PPM1F: variants seen among roughly 807,000 people sequenced by gnomAD.
The protein encoded by PPM1F is protein phosphatase 1F.
In PPM1F, 17 loss-of-function variants were observed where a neutral mutation model predicts 35.5. That is an observed-to-expected ratio of 0.48 (90% CI 0.33 to 0.72). The LOEUF (loss-of-function observed/expected upper bound fraction) is 0.72, where lower values mean the gene tolerates loss of function less well. PPM1F is among the 30% of genes least tolerant of loss of function. The pLI is 0.02. For synonymous variants in PPM1F, 241 were observed against 255.5 expected, an observed-to-expected ratio of 0.94 and a Z score of 0.54; for missense variants, 521 against 613.0, an observed-to-expected ratio of 0.85 and a Z score of 1.59.
At chr22:21,936,190 T>A (rs1246152708) in intron 3 of PPM1F, 1 of 151,802 alleles carries the variant, frequency 6.6e-6, no homozygotes, top group African/African-American at 2.4e-5. Context: ...AACTAAAAAA[T>A]GGATTTTAAT....
chr22:21,930,941 T>C (rs1044382974), intron 6 of PPM1F, among the ~76,000 whole-genome samples: 1 of 152,204 alleles, frequency 6.6e-6, no homozygotes, highest in African/African-American at 2.4e-5. Context: ...CCCGGAGCTC[T>C]GGGCTCCATA....
At chr22:21,938,465 G>C (rs190596574) in intron 3 of PPM1F, 1 of 1,123,430 alleles carries the variant, frequency 8.9e-7, no homozygotes, top group Admixed American at 4.6e-5. Context: ...GAGGAGGAGA[G>C]CGCGGGCACC....
intron 5 of PPM1F, among the ~76,000 whole-genome samples, chr22:21,932,940 G>A (rs2070609920): frequency 1.3e-5 from 2 of 152,174 alleles, no homozygotes; most frequent in Non-Finnish European, 2.9e-5. Flanking sequence ...TGCAGAGACG[G>A]CTCTGGCCCA....
chr22:21,938,304 G>A, intron 3 of PPM1F: 1 of 1,235,380 alleles, frequency 8.1e-7, no homozygotes, highest in Non-Finnish European at 1.0e-6. Context: ...CAGAGCGGAG[G>A]AGCAGCAGCT....
chr22:21,942,911 G>C (rs1297273355), intron 2 of PPM1F: 1 of 152,336 alleles, frequency 6.6e-6, no homozygotes. Context: ...AGGTGCCTGA[G>C]AAACACGTCT....
chr22:21,943,471 G>A (rs2070746330), intron 2 of PPM1F: 1 of 152,188 alleles, frequency 6.6e-6, no homozygotes, highest in South Asian at 2.1e-4. Flanking sequence ...GTGGGTTCCT[G>A]GGGGCTGAGG....
intron 5 of PPM1F, among the ~76,000 whole-genome samples, chr22:21,932,296 T>C (rs1163968448): frequency 6.6e-6 from 1 of 152,184 alleles, no homozygotes; most frequent in East Asian, 1.9e-4. Context: ...CCTTTTCTAC[T>C]CTGAGGCTGC....
rs778944963 is a variant in PPM1F, at chr22:21,920,169, C to T, written c.*2923G>A. On this transcript the variant is annotated 3_prime_UTR_variant, in exon 8 of 8. Transcript: ENST00000263212. Reference sequence around the variant, plus strand: ...TAGACACTAATAAGACTTAACCACCCCAACCTGCTGGCAGCAGGAGGGCCC... The same window carrying T: ...TAGACACTAATAAGACTTAACCACCTCAACCTGCTGGCAGCAGGAGGGCCC... 1 of 152,516 alleles carries T rather than the reference C, an allele frequency of 6.6e-6. No individual in the cohort carries two copies. The highest frequency in any genetic ancestry group is 1.5e-5 in the Non-Finnish European group (1 of 68,172). The allele number at this position is 152,516 out of a possible 1,614,324, so 9.4% of individuals were successfully genotyped here. A position where few individuals can be genotyped will look rare whatever the true frequency, so the allele number is the denominator to read the frequency against.
chr22:21,936,481 A>T (rs2070660548), intron 3 of PPM1F: 1 of 152,228 alleles, frequency 6.6e-6, no homozygotes, highest in South Asian at 2.1e-4. Context: ...AAATTCTTTG[A>T]CTTCCCCTTT....
intron 2 of PPM1F, chr22:21,945,544 GC>G (rs2070768134): frequency 2.5e-6 from 1 of 399,904 alleles, no homozygotes; most frequent in Admixed American, 4.4e-5. Flanking sequence ...TCAAGGCCAG[GC>G]ACTAACAGAA....
At chr22:21,938,523 C>A in intron 3 of PPM1F, 1 of 1,075,322 alleles carries the variant, frequency 9.3e-7, no homozygotes, top group Non-Finnish European at 1.1e-6. Flanking sequence ...TCTTCTCCCA[C>A]CTTGTTCCTT....
intron 6 of PPM1F, among the ~76,000 whole-genome samples, chr22:21,927,222 CAAG>C (rs1372640622): frequency 2.6e-5 from 4 of 152,194 alleles, no homozygotes; most frequent in Admixed American, 6.5e-5. Context: ...AGGAGACAGC[CAAG>C]AAGAGGGCAG....
intron 1 of PPM1F, chr22:21,947,822 T>C (rs765858340): frequency 2.6e-5 from 4 of 152,016 alleles, no homozygotes; most frequent in African/African-American, 4.8e-5. Context: ...TTATCAGGAA[T>C]TGCTAACTTG....
At chr22:21,950,585 T>C (rs2070825517) in intron 1 of PPM1F, 1 of 152,146 alleles carries the variant, frequency 6.6e-6, no homozygotes, top group Non-Finnish European at 1.5e-5. Flanking sequence ...TGCACCACTA[T>C]AGTGTAACAA....
At chr22:21,946,851 C>T (rs1248865467) in intron 1 of PPM1F, 4 of 152,296 alleles carry the variant, frequency 2.6e-5, no homozygotes, top group African/African-American at 4.8e-5. Context: ...GTGGACAGTT[C>T]CAGGCGCTGA....
At chr22:21,924,798 A>G (rs1601776862) in intron 7 of PPM1F, 2 of 151,636 alleles carry the variant, frequency 1.3e-5, no homozygotes, top group East Asian at 3.9e-4. Flanking sequence ...CGAACTCCCG[A>G]TCTCAGGTGA....
rs1180818273 is a variant in PPM1F at position 21,939,821 on chromosome 22, G to A, written c.207-141C>T. On this transcript the variant is annotated intron_variant, in intron 2 of 7. Transcript: ENST00000263212. The surrounding 1 kb of genome is among the most constrained non-coding windows in gnomAD (Gnocchi z 5.1). ...GTCCTCAGGGAGCTGGGACAGGAAG[G>A]TCACAGGACAGCAAAGGCAGACGCA... 1 of 956,652 alleles carries A rather than the reference G, an allele frequency of 1.0e-6. No individual in the cohort carries two copies. Among genetic ancestry groups the A allele is most frequent in the Non-Finnish European group, 1.5e-6 (1 of 651,604 alleles). 59.3% of individuals were successfully genotyped at this position (956,652 alleles called of 1,614,324 possible). A position where few individuals can be genotyped will look rare whatever the true frequency, so the allele number is the denominator to read the frequency against.
At chr22:21,933,980 C>T (rs554715221) in intron 4 of PPM1F, 44 bp downstream of exon 4, 50 of 1,502,746 alleles carry the variant, frequency 3.3e-5, no homozygotes, top group Non-Finnish European at 4.2e-5. Flanking sequence ...ACCCTCGCCC[C>T]GGTCCTCCGA....
intron 5 of PPM1F, 123 bp from the exon 6 acceptor site, chr22:21,931,414 G>A: frequency 2.2e-6 from 2 of 926,512 alleles, no homozygotes; most frequent in East Asian, 2.7e-5. Context: ...GAATCCACAG[G>A]TGTATATGTG....
Sources: gnomAD v4.1 joint callset for allele counts (sites outside exome capture counted in the v4.1 genomes callset) on GRCh38, gnomAD v4.1.1 for gene constraint, Gnocchi (gnomAD v3.1) non-coding constraint, MANE v1.5 for transcripts, NCBI Gene and HGNC (gene_info 2026-07-23, HGNC 2026-07-21) for gene names.